Variants in STK32B observed in about 807,000 individuals in gnomAD.
STK32B encodes serine/threonine-protein kinase 32B.
A neutral mutation model predicts 52.6 loss-of-function variants in STK32B; 43 were observed. The ratio of observed to expected loss-of-function variants is 0.82; its 90% CI spans 0.64 to 1.05. The LOEUF (loss-of-function observed/expected upper bound fraction) is 1.05. STK32B is among the 50% of genes least tolerant of loss of function. The pLI, the probability that STK32B is intolerant of heterozygous loss-of-function variation, is 0.00. For synonymous variants in STK32B, 238 were observed against 204.3 expected, an observed-to-expected ratio of 1.17 and a Z score of -1.41; for missense variants, 621 against 534.6, an observed-to-expected ratio of 1.16 and a Z score of -1.59.
intron 1 of STK32B, among the ~76,000 whole-genome samples, chr4:5,110,582 A>G (rs116311800): frequency 6.6e-6 from 1 of 152,122 alleles, no homozygotes; most frequent in East Asian, 1.9e-4. Context: ...CTGGACCCCT[A>G]TCTCTTACCA....
At chr4:5,317,230 A>G (rs1315346542) in intron 3 of STK32B, among the ~76,000 whole-genome samples, 6 of 62,168 alleles carry the variant, frequency 9.7e-5, no homozygotes, top group Non-Finnish European at 1.4e-4. Context: ...TATATTATAT[A>G]TAACATATAT....
At chr4:5,492,423 T>G (rs910340504) in intron 11 of STK32B, among the ~76,000 whole-genome samples, 4 of 152,142 alleles carry the variant, frequency 2.6e-5, no homozygotes, top group African/African-American at 9.7e-5. Flanking sequence ...GTACACTGAT[T>G]TTGTATCCTG....
At chr4:5,315,657 T>C (rs1427775281) in intron 3 of STK32B, among the ~76,000 whole-genome samples, 1 of 151,082 alleles carries the variant, frequency 6.6e-6, no homozygotes, top group Non-Finnish European at 1.5e-5. Context: ...AAGGCAATTC[T>C]TGAGTATTTT....
At position 5,193,071 on chromosome 4, in the gene STK32B, C is replaced by T. The variant is rs181182342; in HGVS notation, c.260+24621C>T. Among the ~76,000 whole-genome samples, 195 of 152,320 alleles carry T rather than the reference C, an allele frequency of 1.3e-3. 1 individual carries two copies. Among genetic ancestry groups the T allele is most frequent in the African/African-American group, 3.7e-3 (154 of 41,576 alleles). ...GCCCATGAAGAAGAGGAACCCCGGC[C>T]ACTGCACTTTATAAGGCCTGGCTGC... is the stretch of plus-strand genomic sequence containing the variant. On this transcript the variant is annotated intron_variant, in intron 3 of 11. Coordinates refer to ENST00000282908, the MANE Select transcript of STK32B (RefSeq NM_018401.3).
At chr4:5,493,775 T>C (rs1275391541) in intron 11 of STK32B, among the ~76,000 whole-genome samples, 1 of 152,248 alleles carries the variant, frequency 6.6e-6, no homozygotes, top group African/African-American at 2.4e-5. Context: ...TCTGGTATGT[T>C]GTGTCTTTGT....
At chr4:5,237,975 G>C (rs972388850) in intron 3 of STK32B, among the ~76,000 whole-genome samples, 1 of 152,160 alleles carries the variant, frequency 6.6e-6, no homozygotes, top group Non-Finnish European at 1.5e-5. Context: ...GCCCCCTCTA[G>C]ATTGTAGTTT....
At chr4:5,311,864 C>G (rs979234833) in intron 3 of STK32B, among the ~76,000 whole-genome samples, 1 of 151,496 alleles carries the variant, frequency 6.6e-6, no homozygotes, top group Non-Finnish European at 1.5e-5. Context: ...ACCAGTTTTA[C>G]ACAGTTTCTT....
At chr4:5,126,620 T>G (rs1715378655) in intron 1 of STK32B, among the ~76,000 whole-genome samples, 2 of 152,248 alleles carry the variant, frequency 1.3e-5, no homozygotes, top group East Asian at 3.8e-4. Flanking sequence ...GTCATTTAGC[T>G]CTTCATTCTG....
At chr4:5,243,221 T>G (rs1725172257) in intron 3 of STK32B, among the ~76,000 whole-genome samples, 1 of 152,228 alleles carries the variant, frequency 6.6e-6, no homozygotes, top group Admixed American at 6.5e-5. Context: ...CATGGAATGT[T>G]CTTCCATTTG....
intron 3 of STK32B, among the ~76,000 whole-genome samples, chr4:5,260,164 A>T (rs141890072): frequency 2.0e-5 from 3 of 152,306 alleles, no homozygotes; most frequent in South Asian, 4.1e-4. Flanking sequence ...TTTCTGCAAG[A>T]TTATATTAAG....
intron 1 of STK32B, among the ~76,000 whole-genome samples, chr4:5,117,892 C>A (rs962328055): frequency 6.6e-6 from 1 of 152,112 alleles, no homozygotes; most frequent in Admixed American, 6.5e-5. Flanking sequence ...CCCAGCATCC[C>A]AGGGATAAAT....
intron 4 of STK32B, among the ~76,000 whole-genome samples, chr4:5,354,225 G>C (rs866001444): frequency 1.6e-4 from 24 of 152,184 alleles, no homozygotes; most frequent in South Asian, 4.1e-4. Context: ...GATGCCAGAG[G>C]CTGGAGAGGG....
intron 3 of STK32B, among the ~76,000 whole-genome samples, chr4:5,247,162 C>A (rs898274042): frequency 1.3e-5 from 2 of 152,202 alleles, no homozygotes; most frequent in African/African-American, 4.8e-5. Flanking sequence ...CTGTGCCCTG[C>A]CCCCAGAGGT....
In STK32B at chr4:5,403,109, A is replaced by T. The variant is rs150950410; in HGVS notation, c.472+4865A>T. 1.9e-3 allele frequency among the ~76,000 whole-genome samples: 296 copies of T among 152,278 alleles called. 3 individuals are homozygous for T. Among genetic ancestry groups the T allele is most frequent in the South Asian group, 1.0e-2 (48 of 4,814 alleles). ...AAGCTTTGGCCTCTGGAGCCTTGCTAAGCTGATGGACTGCCCTGCCCAGGG... is the reference window on the plus strand; with the variant it reads ...AAGCTTTGGCCTCTGGAGCCTTGCTTAGCTGATGGACTGCCCTGCCCAGGG... On this transcript the variant is annotated intron_variant, in intron 5 of 11. Coordinates refer to ENST00000282908, the MANE Select transcript of STK32B (RefSeq NM_018401.3).
chr4:5,275,762 A>T (rs893104590), intron 3 of STK32B, among the ~76,000 whole-genome samples: 1 of 151,698 alleles, frequency 6.6e-6, no homozygotes, highest in African/African-American at 2.4e-5. Flanking sequence ...GAGCAGAACC[A>T]CCCTGAGAGT....
chr4:5,159,652 AATATATAT>A lies in STK32B; in HGVS notation c.109-8644_109-8637del, dbSNP rs1189531794. On this transcript the variant is annotated intron_variant, in intron 2 of 11. Transcript: ENST00000282908. ...ATGAATATATATATGAATGTATATGAATATATATATGAATGTATATGAATATATATATG... is the reference window on the plus strand; with the variant it reads ...ATGAATATATATATGAATGTATATGAATGAATGTATATGAATATATATATG... Among the ~76,000 whole-genome samples the A allele has an allele frequency of 2.3e-5, 2 of 86,658 alleles. 1 individual carries two copies. Among genetic ancestry groups the A allele is most frequent in the African/African-American group, 1.4e-4 (2 of 14,248 alleles). The allele number at this position is 86,658 out of a possible 152,430, so 56.9% of individuals were successfully genotyped here.
intron 1 of STK32B, among the ~76,000 whole-genome samples, chr4:5,108,185 T>A (rs754768394): frequency 1.3e-5 from 2 of 152,246 alleles, no homozygotes; most frequent in Non-Finnish European, 2.9e-5. Flanking sequence ...GGATGTGACC[T>A]GTACTGATTC....
At chr4:5,232,092 G>A (rs1397877545) in intron 3 of STK32B, among the ~76,000 whole-genome samples, 1 of 152,158 alleles carries the variant, frequency 6.6e-6, no homozygotes, top group Non-Finnish European at 1.5e-5. Context: ...TGAGCTGACA[G>A]CCCAGCCCAG....
At chr4:5,315,068 C>A (rs565172413) in intron 3 of STK32B, among the ~76,000 whole-genome samples, 2 of 152,036 alleles carry the variant, frequency 1.3e-5, no homozygotes, top group Non-Finnish European at 2.9e-5. Context: ...TATTTGCAAA[C>A]CACATATTTG....
Sources: allele counts gnomAD v4.1 joint callset (sites outside exome capture counted in the v4.1 genomes callset), GRCh38; gene constraint gnomAD v4.1.1; transcripts MANE v1.5; gene names NCBI Gene and HGNC (gene_info 2026-07-23, HGNC 2026-07-21).